Variants in CPEB2 observed in about 807,000 individuals in gnomAD.
CPEB2 encodes the protein cytoplasmic polyadenylation element binding protein 2.
A neutral mutation model predicts 93.6 loss-of-function variants in CPEB2; 56 were observed. That is an observed-to-expected ratio of 0.60 (90% CI 0.48 to 0.75). CPEB2 has a LOEUF of 0.75. Among genes scored for constraint, CPEB2 ranks in the 30% least tolerant of loss-of-function variants. The probability of loss-of-function intolerance (pLI) is 0.00; values close to 1 mark genes in which losing one functional copy is unlikely to be tolerated. For missense variants in CPEB2, 1,579 were observed against 1,395.1 expected (o/e 1.13, Z -2.10); for synonymous variants, 764 against 586.3 (o/e 1.30, Z -4.38).
chr4:15,002,809 G>A lies in CPEB2; in HGVS notation c.136G>A (p.Gly46Ser), dbSNP rs970564413. The A allele has an allele frequency of 3.3e-6, 5 of 1,535,128 alleles. No homozygotes were observed. In the African/African-American group the frequency reaches 4.1e-5, roughly 13 times the overall value. ...CCCGCTGCCCTCCGCCACGCCCTTC[G>A]GCCCACTGTCGCCACCACCGTTGCC... Reference protein sequence around the residue: ...VNPLPSATPFGPLSPPPLPVT... With the variant: ...VNPLPSATPFSPLSPPPLPVT... The change falls in exon 1 of 12, where the codon GGC becomes AGC. Residue 46 changes from glycine to serine, a missense_variant. By Grantham distance (56) the Gly-to-Ser change is moderately conservative (BLOSUM62 0). Around this residue, in one of 2 missense-constraint regions of CPEB2, gnomAD observed 1,411 missense variants for 1,056.0 expected, o/e 1.34. Transcript: ENST00000538197.
rs1722331799 is a variant in CPEB2 at position 15,003,675 on chromosome 4, T to C, written c.1002T>C (p.Leu334=). 2 of 1,457,216 alleles carry C rather than the reference T, an allele frequency of 1.4e-6. No individual in the cohort carries two copies. Among genetic ancestry groups the C allele is most frequent in the Non-Finnish European group, 1.8e-6 (2 of 1,106,296 alleles). The allele number at this position is 1,457,216 out of a possible 1,614,324, so 90.3% of individuals were successfully genotyped here. A position where few individuals can be genotyped will look rare whatever the true frequency, so the allele number is the denominator to read the frequency against. The change falls in exon 1 of 12, where the codon CTT becomes CTC. Residue 334 remains leucine, a synonymous_variant. Transcript: ENST00000538197. ...SPSNLLPGGA[L]GAGAFSSLQS... ...GTAACCTCCTGCCCGGAGGTGCGCT[T>C]GGCGCGGGCGCCTTCAGCAGCCTGC...
rs1722303966 is a variant in CPEB2, at chr4:15,003,570, G to A, written c.897G>A (p.Ala299=). ...GCAGCGCCGCCGAGTCCCCCAATGC[G>A]GGCTTGGCCTCCTCGACGCCGGTGA... ...GEGSAAESPN[A]GLASSTPVNP... Residue 299 remains alanine, a synonymous_variant, in exon 1 of 12, where the codon GCG becomes GCA. Transcript: ENST00000538197. 2.0e-6 allele frequency: 3 copies of A among 1,467,388 alleles called. No homozygotes were observed. Among genetic ancestry groups the A allele is most frequent in the Non-Finnish European group, 2.7e-6 (3 of 1,113,202 alleles). 90.9% of individuals were successfully genotyped at this position (1,467,388 alleles called of 1,614,324 possible).
At chr4:15,055,659 C>T (rs1728646018) in intron 8 of CPEB2, among the ~76,000 whole-genome samples, 3 of 152,126 alleles carry the variant, frequency 2.0e-5, no homozygotes, top group South Asian at 2.1e-4. Context: ...CTATTCCTTA[C>T]TTACCTGCAT....
chr4:15,003,402 C>T lies in CPEB2; in HGVS notation c.729C>T (p.His243=), dbSNP rs568745790. 3 of 1,367,110 alleles carry T rather than the reference C, an allele frequency of 2.2e-6. No homozygotes were observed. In the African/African-American group the frequency reaches 4.6e-5, roughly 21 times the overall value. The allele number at this position is 1,367,110 out of a possible 1,614,324, so 84.7% of individuals were successfully genotyped here. Residue 243 remains histidine (H), a synonymous_variant, in exon 1 of 12, where the codon CAC becomes CAT. Transcript: ENST00000538197. ...AGTTCAGCCTCCTGCATCAGCAGCA[C>T]CTCTCGCCGCAGGACTTCGCCCCGC... ...PQQFSLLHQQ[H]LSPQDFAPRQ...
Position 15,045,308 on chromosome 4 carries a change from T to G in CPEB2, c.2200+4821T>G, listed in dbSNP as rs543192815. ...TGTATTTTCTATTACAAAACTTCAATTTGCCTTTCATTCATATGTATGTAT... is the reference window on the plus strand; with the variant it reads ...TGTATTTTCTATTACAAAACTTCAAGTTGCCTTTCATTCATATGTATGTAT... On this transcript the variant is annotated intron_variant, in intron 6 of 11. Coordinates refer to ENST00000538197, the MANE Select transcript of CPEB2 (RefSeq NM_001177382.2). 2.0e-5 allele frequency among the ~76,000 whole-genome samples: 3 copies of G among 152,306 alleles called. No homozygotes were observed. In the South Asian group the frequency reaches 6.2e-4, roughly 32 times the overall value.
chr4:15,023,748 G>A (rs897884062), intron 4 of CPEB2, among the ~76,000 whole-genome samples: 2 of 151,040 alleles, frequency 1.3e-5, no homozygotes, highest in African/African-American at 4.9e-5. Context: ...GCCACTATGA[G>A]CTTTTTTTTT....
chr4:15,038,585 CTTT>C (rs369548599), intron 5 of CPEB2, among the ~76,000 whole-genome samples: 4 of 137,228 alleles, frequency 2.9e-5, no homozygotes, highest in African/African-American at 5.3e-5. Flanking sequence ...GTAGTCTATT[CTTT>C]TTTTTTTTTT....
Position 15,054,210 on chromosome 4 carries a change from A to G in CPEB2, c.2454A>G (p.Pro818=). 1 of 1,607,228 alleles carries G rather than the reference A, an allele frequency of 6.2e-7. No homozygotes were observed. The highest frequency in any genetic ancestry group is 1.7e-4 in the Middle Eastern group (1 of 6,032). ...PHKAESKSYF[P]PKGYAFLLFQ... is the part of the protein sequence containing the mutation. ...AAGCAGAAAGCAAGTCCTATTTTCC[A>G]CCAAAAGGTAAGGATTGTTATTGTT... The change falls in exon 8 of 12, where the codon CCA becomes CCG. Residue 818 remains proline, a synonymous_variant. Transcript: ENST00000538197.
chr4:15,015,062 T>G (rs1349076994), intron 3 of CPEB2, among the ~76,000 whole-genome samples: 2 of 152,054 alleles, frequency 1.3e-5, no homozygotes, highest in Admixed American at 1.3e-4. Context: ...CTAGAGAGAT[T>G]TAGTGACTTC....
At position 15,047,407 on chromosome 4, in the gene CPEB2, T is replaced by G. The variant is rs1054595743; in HGVS notation, c.2201-5007T>G. 5.3e-5 allele frequency among the ~76,000 whole-genome samples: 8 copies of G among 152,280 alleles called. No homozygotes were observed. In the South Asian group the frequency reaches 6.2e-4, roughly 12 times the overall value. On this transcript the variant is annotated intron_variant, in intron 6 of 11. Transcript: ENST00000538197. Reference sequence around the variant, plus strand: ...AACATGGTTTCTTCTGTTTATTCATTTATTTCATATTTTTAACATTTTTCC... The same window carrying G: ...AACATGGTTTCTTCTGTTTATTCATGTATTTCATATTTTTAACATTTTTCC...
In CPEB2 at chr4:15,003,275, C is replaced by G; in HGVS notation, c.602C>G (p.Pro201Arg). 2 of 1,524,732 alleles carry G rather than the reference C, an allele frequency of 1.3e-6. No homozygotes were observed. The highest frequency in any genetic ancestry group is 2.4e-5 in the South Asian group (2 of 83,420). The allele number at this position is 1,524,732 out of a possible 1,614,324, so 94.5% of individuals were successfully genotyped here. ...TCGAAGCCGCCGCCGCCGCCTCCGC[C>G]GCTCCACTGCCCCGGTCGGTTCAGC... Reference protein sequence around the residue: ...PDSKPPPPPPPLHCPGRFSPP... With the variant: ...PDSKPPPPPPRLHCPGRFSPP... Residue 201 changes from proline (P) to arginine (R), a missense_variant, in exon 1 of 12, where the codon CCG becomes CGG. Physicochemically the swap from Pro to Arg is moderately radical, Grantham distance 103. This residue lies in a region of CPEB2 where 1,411 missense variants were observed against 1,056.0 expected (regional missense o/e 1.34). Coordinates refer to ENST00000538197, the MANE Select transcript of CPEB2 (RefSeq NM_001177382.2).
At position 15,002,987 on chromosome 4, in the gene CPEB2, C is replaced by A. The variant is rs1451504547; in HGVS notation, c.314C>A (p.Pro105Gln). ...DELLLGLTQQ[P>Q]ARPLSGAAAT... Reference sequence around the variant, plus strand: ...CTGCTTCTGGGGCTGACACAGCAGCCGGCGCGGCCGCTTTCGGGGGCGGCG... The same window carrying A: ...CTGCTTCTGGGGCTGACACAGCAGCAGGCGCGGCCGCTTTCGGGGGCGGCG... The change falls in exon 1 of 12, where the codon CCG (proline) becomes CAG (glutamine). Residue 105 changes from proline (P) to glutamine (Q), a missense_variant. This residue lies in a region of CPEB2 where 1,411 missense variants were observed against 1,056.0 expected (regional missense o/e 1.34). Coordinates refer to ENST00000538197, the MANE Select transcript of CPEB2 (RefSeq NM_001177382.2). 1 of 1,502,212 alleles carries A rather than the reference C, an allele frequency of 6.7e-7. No individual in the cohort carries two copies. Among genetic ancestry groups the A allele is most frequent in the Non-Finnish European group, 8.8e-7 (1 of 1,136,360 alleles). The allele number at this position is 1,502,212 out of a possible 1,614,324, so 93.1% of individuals were successfully genotyped here.
chr4:15,007,342 G>C lies in CPEB2; in HGVS notation c.1700G>C (p.Ser567Thr). 1 of 1,588,738 alleles carries C rather than the reference G, an allele frequency of 6.3e-7. No homozygotes were observed. Among genetic ancestry groups the C allele is most frequent in the South Asian group, 1.1e-5 (1 of 87,908 alleles). ...LKQSPWSNHQ[S>T]SGWGTGSMSW... ...CAGTCTCCCTGGAGCAACCATCAGA[G>C]CAGTGGCTGGGGCACTGGAAGTATG... is the stretch of plus-strand genomic sequence containing the variant. Residue 567 changes from serine (S) to threonine (T), a missense_variant, in exon 2 of 12, where the codon AGC (serine) becomes ACC (threonine). Coordinates refer to ENST00000538197, the MANE Select transcript of CPEB2 (RefSeq NM_001177382.2).
Position 15,067,575 on chromosome 4 carries a change from C to A in CPEB2, c.*1195C>A, listed in dbSNP as rs1479045306. The A allele has an allele frequency of 6.6e-6, 1 of 152,394 alleles. No homozygotes were observed. The highest frequency in any genetic ancestry group is 1.5e-5 in the Non-Finnish European group (1 of 67,964). 9.4% of individuals were successfully genotyped at this position (152,394 alleles called of 1,614,324 possible). ...CCAAAGATGGCCAGCACACTGCTAA[C>A]CAGTCACCAAATGTAAGACCCATAA... On this transcript the variant is annotated 3_prime_UTR_variant, in exon 12 of 12. Coordinates refer to ENST00000538197, the MANE Select transcript of CPEB2 (RefSeq NM_001177382.2).
intron 5 of CPEB2, among the ~76,000 whole-genome samples, chr4:15,034,597 G>A (rs1337159146): frequency 1.3e-5 from 2 of 152,086 alleles, no homozygotes; most frequent in African/African-American, 4.8e-5. Flanking sequence ...ACTTTTTCTG[G>A]CAAGGTACTA....
intron 6 of CPEB2, among the ~76,000 whole-genome samples, chr4:15,043,291 A>G (rs1727356143): frequency 6.6e-6 from 1 of 152,204 alleles, no homozygotes; most frequent in Non-Finnish European, 1.5e-5. Flanking sequence ...GGAATAATCA[A>G]AATGTAATTA....
intron 5 of CPEB2, among the ~76,000 whole-genome samples, chr4:15,036,980 A>T: frequency 6.6e-6 from 1 of 151,998 alleles, no homozygotes; most frequent in East Asian, 1.9e-4. Context: ...AGTGGAGGAG[A>T]TAAGCTTTCT....
intron 10 of CPEB2, 151 bp from the exon 11 acceptor site, chr4:15,061,928 C>A: frequency 1.5e-6 from 1 of 671,272 alleles, no homozygotes; most frequent in Non-Finnish European, 2.4e-6. Context: ...CCTCGATCCC[C>A]GTCCTTTTTT....
rs943703829 is a variant in CPEB2, at chr4:15,069,182, A to G, written c.*2802A>G. ...TAAGAAGGAAACATTTAGCATTTATATATTTGTGTATGGAAAACACTTGAT... is the reference window on the plus strand; with the variant it reads ...TAAGAAGGAAACATTTAGCATTTATGTATTTGTGTATGGAAAACACTTGAT... On this transcript the variant is annotated 3_prime_UTR_variant, in exon 12 of 12. Transcript: ENST00000538197. The G allele has an allele frequency of 6.6e-6, 1 of 152,256 alleles. No individual in the cohort carries two copies. The highest frequency in any genetic ancestry group is 2.4e-5 in the African/African-American group (1 of 41,408). 9.4% of individuals were successfully genotyped at this position (152,256 alleles called of 1,614,324 possible). A position where few individuals can be genotyped will look rare whatever the true frequency, so the allele number is the denominator to read the frequency against.
Sources: allele counts gnomAD v4.1 joint callset (sites outside exome capture counted in the v4.1 genomes callset), GRCh38; gene constraint gnomAD v4.1.1; regional missense constraint gnomAD v4.1.1; transcripts MANE v1.5; gene names NCBI Gene and HGNC (gene_info 2026-07-23, HGNC 2026-07-21).